Variants in STAG3 observed in about 807,000 individuals in gnomAD.
The protein encoded by STAG3 is cohesin subunit SA-3.
A neutral mutation model predicts 160.7 loss-of-function variants in STAG3; 101 were observed. The ratio of observed to expected loss-of-function variants is 0.63; its 90% confidence interval spans 0.54 to 0.74. STAG3 has a LOEUF of 0.74. STAG3 is among the 30% of genes least tolerant of loss of function. The probability of loss-of-function intolerance (pLI) is 0.00; values close to 1 mark genes in which losing one functional copy is unlikely to be tolerated. For synonymous variants in STAG3, 519 were observed against 585.0 expected (o/e 0.89, Z 1.63); for missense variants, 1,188 against 1,517.4 (o/e 0.78, Z 3.61).
rs759618559 is a variant in STAG3 at position 100,213,793 on chromosome 7, A to G, written c.3659A>G (p.Glu1220Gly). ...ERGLDLLDST[E>G]LDIEDF ...GGGCTGGACCTCTTAGATTCTACAGAGCTGGATATTGAGGTGAGTGTCCCC... is the reference window on the plus strand; with the variant it reads ...GGGCTGGACCTCTTAGATTCTACAGGGCTGGATATTGAGGTGAGTGTCCCC... The change falls in exon 33 of 34, where the codon GAG becomes GGG. Residue 1220 changes from glutamate to glycine, a missense_variant. By Grantham distance (98) the Glu-to-Gly change is moderately conservative (BLOSUM62 -2). This residue lies in a region of STAG3 where 647 missense variants were observed against 717.2 expected (regional missense o/e 0.90). Transcript: ENST00000615138. 6.2e-7 allele frequency: 1 copy of G among 1,614,076 alleles called. No individual in the cohort carries two copies. Among genetic ancestry groups the G allele is most frequent in the Non-Finnish European group, 8.5e-7 (1 of 1,180,050 alleles).
At chr7:100,192,119 A>G (rs561287343) in intron 8 of STAG3, among the ~76,000 whole-genome samples, 1 of 152,324 alleles carries the variant, frequency 6.6e-6, no homozygotes, top group South Asian at 2.1e-4. Flanking sequence ...CCTCTACTGA[A>G]GTCTTAAACC....
intron 29 of STAG3, among the ~76,000 whole-genome samples, chr7:100,209,758 C>T (rs1364151127): frequency 1.3e-5 from 2 of 152,136 alleles, no homozygotes; most frequent in Non-Finnish European, 2.9e-5. Flanking sequence ...TTCAAGGTAT[C>T]TCTAATAGGC....
intron 29 of STAG3, among the ~76,000 whole-genome samples, chr7:100,206,957 G>A (rs908714865): frequency 6.6e-6 from 1 of 152,086 alleles, no homozygotes; most frequent in African/African-American, 2.4e-5. Flanking sequence ...GCCTACTCTG[G>A]ACCTTTCATA....
At chr7:100,198,359 T>G in intron 12 of STAG3, 116 bp from the exon 13 acceptor site, 2 of 1,260,428 alleles carry the variant, frequency 1.6e-6, no homozygotes, top group Non-Finnish European at 2.3e-6. Context: ...GCTCTTCATT[T>G]AGAAGTTTTT....
At chr7:100,204,796 G>C (rs775243106) in intron 27 of STAG3, 21 bp downstream of exon 27, 4 of 1,612,628 alleles carry the variant, frequency 2.5e-6, no homozygotes, top group South Asian at 2.2e-5. Context: ...TTGGTTGCAG[G>C]TTGTGTCCAG....
chr7:100,181,050 T>G (rs1799616633), intron 2 of STAG3, among the ~76,000 whole-genome samples: 1 of 152,136 alleles, frequency 6.6e-6, no homozygotes, highest in Admixed American at 6.5e-5. Flanking sequence ...ATGTTCAGCA[T>G]GTACCAACCC....
chr7:100,212,931 A>G (rs1287205310), intron 32 of STAG3: 1 of 153,296 alleles, frequency 6.5e-6, no homozygotes, highest in Non-Finnish European at 1.5e-5. Flanking sequence ...GACCTTTTAC[A>G]TAAAATATAA....
downstream of STAG3, chr7:100,218,743 G>GA: frequency 3.3e-6 from 1 of 306,336 alleles, no homozygotes; most frequent in Non-Finnish European, 6.5e-6. Flanking sequence ...GTGAAGGGGT[G>GA]AAAGGTTTCT....
intron 15 of STAG3, 25 bp downstream of exon 15, chr7:100,199,392 C>T (rs1562983343): frequency 6.3e-7 from 1 of 1,599,514 alleles, no homozygotes; most frequent in East Asian, 2.2e-5. Flanking sequence ...GAGCCAGGGA[C>T]AGGGACCTTC....
At position 100,211,871 on chromosome 7, in the gene STAG3, G is replaced by T. The variant is rs745851519; in HGVS notation, c.3595G>T (p.Asp1199Tyr). 1 of 1,614,042 alleles carries T rather than the reference G, an allele frequency of 6.2e-7. No individual in the cohort carries two copies. The highest frequency in any genetic ancestry group is 2.2e-5 in the East Asian group (1 of 44,882). ...DESNEERQDT[D>Y]MQASSYSSTS... Reference sequence around the variant, plus strand: ...GTCAAATGAAGAACGGCAGGATACAGACATGGTGAGTAGACCACCCTGCCC... The same window carrying T: ...GTCAAATGAAGAACGGCAGGATACATACATGGTGAGTAGACCACCCTGCCC... The change falls in exon 32 of 34, where the codon GAC (aspartate) becomes TAC (tyrosine). Residue 1199 changes from aspartate to tyrosine, a missense_variant. Coordinates refer to ENST00000615138, the MANE Select transcript of STAG3 (RefSeq NM_001282717.2).
chr7:100,194,529 G>A (rs1049678822), intron 8 of STAG3, among the ~76,000 whole-genome samples: 34 of 152,190 alleles, frequency 2.2e-4, no homozygotes, highest in African/African-American at 7.5e-4. Context: ...GCCCATGCCT[G>A]TAATCCCAGC....
rs569655482 is a variant in STAG3, at chr7:100,180,528, C to T, written c.-29C>T. ...ATACCTACCCTGTGGTCCTCATCTT[C>T]CTGGCCTCATAGCTCCTCCTCTCCA... On this transcript the variant is annotated 5_prime_UTR_variant, in exon 2 of 34. Transcript: ENST00000615138. 1.2e-5 allele frequency: 17 copies of T among 1,389,864 alleles called. 1 individual carries two copies. In the Admixed American group the frequency reaches 2.3e-4, roughly 19 times the overall value. The allele number at this position is 1,389,864 out of a possible 1,614,324, so 86.1% of individuals were successfully genotyped here. A position where few individuals can be genotyped will look rare whatever the true frequency, so the allele number is the denominator to read the frequency against.
downstream of STAG3, chr7:100,218,160 G>C (rs1194704773): frequency 2.0e-5 from 3 of 150,950 alleles, no homozygotes; most frequent in African/African-American, 7.3e-5. Context: ...TAGTGGCCCT[G>C]TCCGGGCATG....
At chr7:100,180,868 G>A (rs1201869078) in intron 2 of STAG3, 196 bp downstream of exon 2, 2 of 399,174 alleles carry the variant, frequency 5.0e-6, no homozygotes, top group Non-Finnish European at 9.2e-6. Context: ...CATCAAAATA[G>A]TAGTACATCC....
intron 25 of STAG3, 32 bp from the exon 26 acceptor site, chr7:100,203,989 C>T: frequency 1.4e-6 from 2 of 1,479,328 alleles, no homozygotes; most frequent in South Asian, 2.3e-5. Context: ...TTCCACCAGT[C>T]AGACATTACC....
chr7:100,208,693 T>C (rs1801888967), intron 29 of STAG3, among the ~76,000 whole-genome samples: 1 of 152,182 alleles, frequency 6.6e-6, no homozygotes, highest in Non-Finnish European at 1.5e-5. Flanking sequence ...AGTTTGTTTT[T>C]ATTCATTCAA....
At position 100,200,524 on chromosome 7, in the gene STAG3, C is replaced by T; in HGVS notation, c.1842C>T (p.Cys614=). 6.2e-7 allele frequency: 1 copy of T among 1,614,074 alleles called. No homozygotes were observed. Among genetic ancestry groups the T allele is most frequent in the East Asian group, 2.2e-5 (1 of 44,884 alleles). The stretch of plus-strand genomic sequence containing the variant: ...GCTGCTTTGACCTCCACATCTACTG[C>T]ACTGGGCGCTTGGAGAAGGTAGGGA... ...LLSCFDLHIY[C]TGRLEKHLEL... Residue 614 remains cysteine (C), a synonymous_variant, in exon 18 of 34, where the codon TGC becomes TGT. Coordinates refer to ENST00000615138, the MANE Select transcript of STAG3 (RefSeq NM_001282717.2).
In STAG3 at chr7:100,205,264, CA is replaced by C; in HGVS notation, c.3119del (p.Gln1040ArgfsTer60). 6.2e-7 allele frequency: 1 copy of C among 1,614,096 alleles called. No individual in the cohort carries two copies. Among genetic ancestry groups the C allele is most frequent in the Non-Finnish European group, 8.5e-7 (1 of 1,180,004 alleles). On this transcript the variant is annotated frameshift_variant, in exon 29 of 34. Transcript: ENST00000615138. LOFTEE classifies it high-confidence loss of function. ...YLEKCLQHVSQAPGHPWGPVT... is the reference protein window; with the variant it reads ...YLEKCLQHVSXAPGHPWGPVT... Reference sequence around the variant, plus strand: ...AGAAAAGTGCCTGCAGCATGTCTCCCAGGCACCTGGCCATCCCTGGGGCCCA... The same window carrying C: ...AGAAAAGTGCCTGCAGCATGTCTCCCGGCACCTGGCCATCCCTGGGGCCCA...
Position 100,211,049 on chromosome 7 carries a change from C to G in STAG3, c.3277C>G (p.Gln1093Glu). 1 of 1,614,002 alleles carries G rather than the reference C, an allele frequency of 6.2e-7. No homozygotes were observed. The highest frequency in any genetic ancestry group is 1.7e-5 in the Admixed American group (1 of 59,994). Residue 1093 changes from glutamine to glutamate, a missense_variant, in exon 30 of 34, where the codon CAG (glutamine) becomes GAG (glutamate). Gln to Glu is a conservative substitution (Grantham distance 29). Around this residue, in one of 4 missense-constraint regions of STAG3, gnomAD observed 647 missense variants for 717.2 expected, o/e 0.90. Transcript: ENST00000615138. ...KPNREDVSSSQEESLQLNSIP... is the reference protein window; with the variant it reads ...KPNREDVSSSEEESLQLNSIP... ...TAACAGAGAGGACGTCTCCTCGTCC[C>G]AGGAAGAAAGTCTGCAGCTGAACAG...
Sources: allele counts gnomAD v4.1 joint callset (sites outside exome capture counted in the v4.1 genomes callset), GRCh38; gene constraint gnomAD v4.1.1; regional missense constraint gnomAD v4.1.1; transcripts MANE v1.5; gene names NCBI Gene and HGNC (gene_info 2026-07-23, HGNC 2026-07-21).